ASS1: variants seen among roughly 807,000 people sequenced by gnomAD.
ASS1 encodes the protein argininosuccinate synthase.
A neutral mutation model predicts 60.5 loss-of-function variants in ASS1; 58 were observed. The ratio of observed to expected loss-of-function variants is 0.96; its 90% confidence interval spans 0.78 to 1.19. The LOEUF is 1.19. Among genes scored for constraint, ASS1 ranks in the 50% most tolerant of loss-of-function variants. The probability of loss-of-function intolerance (pLI) is 0.00; values close to 1 mark genes in which losing one functional copy is unlikely to be tolerated. For synonymous variants in ASS1, 200 were observed against 206.9 expected (o/e 0.97, Z 0.29); for missense variants, 454 against 547.3 (o/e 0.83, Z 1.70).
At chr9:130,465,047 TATATATA>T (rs1241809121) in intron 5 of ASS1, among the ~76,000 whole-genome samples, 1,180 of 104,140 alleles carry the variant, frequency 0.011, 19 homozygotes, top group African/African-American at 0.042. Flanking sequence ...TATATATATA[TATATATA>T]TATTTTTTTT....
chr9:130,458,675 G>T, intron 4 of ASS1, 86 bp downstream of exon 4: 1 of 1,527,290 alleles, frequency 6.5e-7, no homozygotes, highest in Non-Finnish European at 8.9e-7. Flanking sequence ...GCGGTTTCCT[G>T]GTGTGCCTCC....
intron 1 of ASS1, among the ~76,000 whole-genome samples, chr9:130,451,372 C>T (rs1845321793): frequency 6.6e-6 from 1 of 152,222 alleles, no homozygotes; most frequent in Admixed American, 6.5e-5. Flanking sequence ...TCTTAGGCCT[C>T]TGCCTGTCTA....
intron 4 of ASS1, among the ~76,000 whole-genome samples, chr9:130,463,172 A>G (rs1359493340): frequency 1.3e-5 from 2 of 152,238 alleles, no homozygotes; most frequent in African/African-American, 4.8e-5. Context: ...GCGCCCATGC[A>G]GTTTTCACAG....
Position 130,483,473 on chromosome 9 carries a change from G to T in ASS1, c.838+3024G>T, listed in dbSNP as rs868766601. ...AGCCGCGGCTGGAGTAGCTTTCTCCGTATTGTGGCTGTTCACATGTCATTA... is the reference window on the plus strand; with the variant it reads ...AGCCGCGGCTGGAGTAGCTTTCTCCTTATTGTGGCTGTTCACATGTCATTA... On this transcript the variant is annotated intron_variant, in intron 11 of 14. Transcript: ENST00000352480. 5.3e-5 allele frequency among the ~76,000 whole-genome samples: 8 copies of T among 150,904 alleles called. No homozygotes were observed. In the South Asian group the frequency reaches 6.3e-4, roughly 12 times the overall value.
intron 11 of ASS1, among the ~76,000 whole-genome samples, chr9:130,486,406 A>G (rs1846307478): frequency 6.6e-6 from 1 of 152,050 alleles, no homozygotes; most frequent in Admixed American, 6.5e-5. Context: ...GCTAAGTTCT[A>G]TGTCCCTGTT....
chr9:130,497,387 G>A (rs1044072071), intron 13 of ASS1, among the ~76,000 whole-genome samples: 2 of 152,012 alleles, frequency 1.3e-5, no homozygotes, highest in African/African-American at 2.4e-5. Context: ...GAAATGCCGT[G>A]GCTCAGTAGG....
chr9:130,471,908 G>A (rs987950035), intron 8 of ASS1, among the ~76,000 whole-genome samples: 2 of 152,170 alleles, frequency 1.3e-5, no homozygotes, highest in Non-Finnish European at 2.9e-5. Context: ...TGTGGGGGGT[G>A]GGGGGAGGCA....
At position 130,472,837 on chromosome 9, in the gene ASS1, G is replaced by A. The variant is rs1233132630; in HGVS notation, c.597+1322G>A. ...GCAGGGCATCCTCTCAGGCCCGTGGGCCCCAAGCATGCTGGGCAACCACTC... is the reference window on the plus strand; with the variant it reads ...GCAGGGCATCCTCTCAGGCCCGTGGACCCCAAGCATGCTGGGCAACCACTC... On this transcript the variant is annotated intron_variant, in intron 8 of 14. Transcript: ENST00000352480. 3.3e-5 allele frequency among the ~76,000 whole-genome samples: 5 copies of A among 152,218 alleles called. No individual in the cohort carries two copies. The East Asian group carries it at 9.6e-4, about 29-fold the overall frequency.
In ASS1 at chr9:130,494,693, A is replaced by C. The variant is rs540242046; in HGVS notation, c.971-174A>C. 6.6e-6 allele frequency among the ~76,000 whole-genome samples: 1 copy of C among 152,332 alleles called. No individual in the cohort carries two copies. The highest frequency in any genetic ancestry group is 6.5e-5 in the Admixed American group (1 of 15,304). On this transcript the variant is annotated intron_variant, in intron 12 of 14. Coordinates refer to ENST00000352480, the MANE Select transcript of ASS1 (RefSeq NM_054012.4). The surrounding 1 kb of genome is among the most constrained non-coding windows in gnomAD (Gnocchi z 4.3). ...CAAGGTTAGAGGGCAGGGCTATGAA[A>C]GCATGGTCCTCAACTCAGCCACTGG...
chr9:130,467,781 C>T (rs1845780925), intron 6 of ASS1, among the ~76,000 whole-genome samples: 1 of 152,174 alleles, frequency 6.6e-6, no homozygotes, highest in Non-Finnish European at 1.5e-5. Context: ...CGTGTTTCAT[C>T]TTTAAGAATA....
chr9:130,452,205 G>A lies in ASS1; in HGVS notation c.-5-19G>A, dbSNP rs1564901119. 2 of 1,610,444 alleles carry A rather than the reference G, an allele frequency of 1.2e-6. No individual in the cohort carries two copies. Among genetic ancestry groups the A allele is most frequent in the Non-Finnish European group, 1.7e-6 (2 of 1,177,678 alleles). On this transcript the variant is annotated intron_variant, in intron 1 of 14. Transcript: ENST00000352480. ...TGGCTGTCTCAGGGTCACTCAGGTTGTTCCTCGACTCCCGCCAGACGCTAT... is the reference window on the plus strand; with the variant it reads ...TGGCTGTCTCAGGGTCACTCAGGTTATTCCTCGACTCCCGCCAGACGCTAT...
chr9:130,480,552 G>T (rs1361570440), intron 11 of ASS1, 103 bp downstream of exon 11: 2 of 1,246,734 alleles, frequency 1.6e-6, no homozygotes, highest in Non-Finnish European at 2.3e-6. Flanking sequence ...CATGCTCCGT[G>T]GGCGACCTTG....
intron 3 of ASS1, among the ~76,000 whole-genome samples, chr9:130,457,481 A>C (rs936898402): frequency 6.7e-6 from 1 of 149,358 alleles, no homozygotes; most frequent in African/African-American, 2.4e-5. Context: ...AAAAAAACAA[A>C]AAAAAAGTTT....
At chr9:130,499,087 A>G (rs773687542) in intron 13 of ASS1, among the ~76,000 whole-genome samples, 6 of 152,184 alleles carry the variant, frequency 3.9e-5, no homozygotes, top group African/African-American at 9.7e-5. Context: ...TGCTATTGCA[A>G]TTCACACCCC....
Position 130,491,365 on chromosome 9 carries a change from C to T in ASS1, c.970+1901C>T, listed in dbSNP as rs539275584. Among the ~76,000 whole-genome samples the T allele has an allele frequency of 3.3e-5, 5 of 152,162 alleles. No homozygotes were observed. Among genetic ancestry groups the T allele is most frequent in the East Asian group, 1.9e-4 (1 of 5,170 alleles). ...CCACGGAGGCTGATCCCACCGTGGC[C>T]GCGGCCACGGCTGCCACTTATCCTG... On this transcript the variant is annotated intron_variant, in intron 12 of 14. Transcript: ENST00000352480. The surrounding 1 kb of genome is among the most constrained non-coding windows in gnomAD (Gnocchi z 5.3).
rs758208207 is a variant in ASS1, at chr9:130,499,585, G to A, written c.1193+15G>A. The A allele has an allele frequency of 1.2e-6, 2 of 1,610,268 alleles. No individual in the cohort carries two copies. Among genetic ancestry groups the A allele is most frequent in the Non-Finnish European group, 8.5e-7 (1 of 1,177,956 alleles). On this transcript the variant is annotated intron_variant, in intron 14 of 14. Coordinates refer to ENST00000352480, the MANE Select transcript of ASS1 (RefSeq NM_054012.4). ...AATTCCCTCAGGTGAGAAGCTCAGG[G>A]CCCTGACGGGCCTTCAGAGCCTCCA... is the stretch of plus-strand genomic sequence containing the variant.
At chr9:130,487,526 AC>A in intron 11 of ASS1, among the ~76,000 whole-genome samples, 1 of 152,020 alleles carries the variant, frequency 6.6e-6, no homozygotes, top group East Asian at 1.9e-4. Flanking sequence ...CACTGTGACT[AC>A]CGTCCACCTC....
chr9:130,464,894 G>T (rs929029725), intron 5 of ASS1, among the ~76,000 whole-genome samples: 6 of 151,950 alleles, frequency 3.9e-5, no homozygotes, highest in African/African-American at 1.4e-4. Flanking sequence ...CAGGGGTGCC[G>T]AGTGCAGGGC....
At chr9:130,467,186 G>T (rs1482903214) in intron 6 of ASS1, among the ~76,000 whole-genome samples, 1 of 152,114 alleles carries the variant, frequency 6.6e-6, no homozygotes, top group Non-Finnish European at 1.5e-5. Context: ...GCCGGCCGGG[G>T]GGATGTGATC....
Sources: allele counts gnomAD v4.1 joint callset (sites outside exome capture counted in the v4.1 genomes callset), GRCh38; gene constraint gnomAD v4.1.1; non-coding constraint Gnocchi (gnomAD v3.1); transcripts MANE v1.5; gene names NCBI Gene and HGNC (gene_info 2026-07-23, HGNC 2026-07-21).